The following EPB41L2 variants were observed in gnomAD, a reference collection of about 807,000 sequenced individuals.
The protein encoded by EPB41L2 is band 4.1-like protein 2.
EPB41L2 carries 43 observed loss-of-function variants against 113.0 expected under a neutral mutation model. The observed-to-expected ratio is 0.38, with a 90% CI of 0.30 to 0.49. EPB41L2 has a LOEUF of 0.49. Ranked by LOEUF, EPB41L2 falls within the 20% of genes least tolerant of loss-of-function variation. The pLI, the probability that EPB41L2 is intolerant of heterozygous loss-of-function variation, is 0.95. For synonymous variants in EPB41L2, 442 were observed against 436.7 expected, an observed-to-expected ratio of 1.01 and a Z score of -0.15; for missense variants, 1,147 against 1,223.4, an observed-to-expected ratio of 0.94 and a Z score of 0.93.
intron 1 of EPB41L2, among the ~76,000 whole-genome samples, chr6:131,049,317 T>C (rs1437052717): frequency 6.6e-6 from 1 of 152,216 alleles, no homozygotes; most frequent in Non-Finnish European, 1.5e-5. Context: ...GAAACAGTTC[T>C]AGTTACAAGT....
intron 1 of EPB41L2, among the ~76,000 whole-genome samples, chr6:131,023,719 G>GTA: frequency 7.6e-6 from 1 of 131,210 alleles, no homozygotes; most frequent in Non-Finnish European, 1.6e-5. Flanking sequence ...GTGTGCGTGT[G>GTA]TGTGTGTGTG....
At chr6:130,955,502 A>C (rs924897956) in intron 2 of EPB41L2, among the ~76,000 whole-genome samples, 185 bp from the exon 3 acceptor site, 16 of 152,204 alleles carry the variant, frequency 1.1e-4, no homozygotes, top group Admixed American at 9.2e-4. Context: ...CATGGCCAAA[A>C]TTCTCATTTT....
chr6:130,971,821 C>T (rs1276786689), intron 1 of EPB41L2, among the ~76,000 whole-genome samples: 1 of 152,144 alleles, frequency 6.6e-6, no homozygotes, highest in Non-Finnish European at 1.5e-5. Context: ...TATAGACAAA[C>T]TTTCAGATAT....
At chr6:130,970,742 A>C (rs1776573529) in intron 1 of EPB41L2, among the ~76,000 whole-genome samples, 1 of 152,210 alleles carries the variant, frequency 6.6e-6, no homozygotes, top group Non-Finnish European at 1.5e-5. Flanking sequence ...TGTACACAAC[A>C]TAAAGTAGTC....
At chr6:131,043,065 G>A (rs1026043761) in intron 1 of EPB41L2, among the ~76,000 whole-genome samples, 6 of 152,130 alleles carry the variant, frequency 3.9e-5, no homozygotes, top group African/African-American at 9.7e-5. Flanking sequence ...TTGAGAGGCC[G>A]AGGCAGGCAG....
chr6:130,968,099 A>AACAGTAATCAACAACCAGTCT (rs549162159), intron 1 of EPB41L2, among the ~76,000 whole-genome samples: 1,559 of 152,324 alleles, frequency 0.01, 36 homozygotes, highest in African/African-American at 0.036. Flanking sequence ...CTTGGTATCC[A>AACAGTAATCAACAACCAGTCT]ACAGTAATCA....
At chr6:131,032,115 T>C (rs1792286099) in intron 1 of EPB41L2, among the ~76,000 whole-genome samples, 1 of 152,202 alleles carries the variant, frequency 6.6e-6, no homozygotes, top group Non-Finnish European at 1.5e-5. Flanking sequence ...TATAGTCCCA[T>C]ATAGTCTCAT....
intron 19 of EPB41L2, among the ~76,000 whole-genome samples, chr6:130,850,801 C>T (rs1186193329): frequency 6.6e-6 from 1 of 152,180 alleles, no homozygotes; most frequent in Non-Finnish European, 1.5e-5. Flanking sequence ...TGACTACTGC[C>T]TGGTCTTAAT....
intron 4 of EPB41L2, among the ~76,000 whole-genome samples, chr6:130,918,953 T>C (rs921670942): frequency 6.6e-6 from 1 of 152,172 alleles, no homozygotes; most frequent in Non-Finnish European, 1.5e-5. Flanking sequence ...AAATCTATAG[T>C]GGAAGAATAA....
chr6:130,898,913 C>A (rs1311029884), intron 8 of EPB41L2, among the ~76,000 whole-genome samples: 1 of 151,994 alleles, frequency 6.6e-6, no homozygotes. Flanking sequence ...CTTCCCATGT[C>A]CCCATTGTCC....
intron 1 of EPB41L2, among the ~76,000 whole-genome samples, chr6:130,963,069 C>G (rs988778671): frequency 7.2e-5 from 11 of 151,994 alleles, no homozygotes; most frequent in Admixed American, 2.6e-4. Context: ...TGACACACAA[C>G]AAAGGACACT....
chr6:130,971,306 C>T (rs1371160058), intron 1 of EPB41L2, among the ~76,000 whole-genome samples: 3 of 152,198 alleles, frequency 2.0e-5, no homozygotes, highest in Admixed American at 1.3e-4. Flanking sequence ...CACAATTTCA[C>T]AGGTTGAAGA....
chr6:130,894,467 A>T (rs751658502), intron 9 of EPB41L2, 26 bp from the exon 10 acceptor site: 1 of 1,599,702 alleles, frequency 6.3e-7, no homozygotes, highest in Non-Finnish European at 8.6e-7. Flanking sequence ...AAAACAAATC[A>T]GCATATTTCC....
Position 130,869,940 on chromosome 6 carries a change from T to C in EPB41L2, c.2230A>G (p.Ser744Gly), listed in dbSNP as rs145332499. The change falls in exon 15 of 20, where the codon AGC (serine) becomes GGC (glycine). Residue 744 changes from serine (S) to glycine (G), a missense_variant. Transcript: ENST00000337057. The part of the protein sequence containing the change: ...STSLSSESSS[S>G]SSESEEEDVG... ...TCTTCCTCCTCACTCTCACTGCTGC[T>C]GCTGCTGCTCTCAGAAGACAGGGAG... 5.2e-5 allele frequency: 84 copies of C among 1,613,378 alleles called. No individual in the cohort carries two copies. The African/African-American group carries it at 1.1e-3, about 20-fold the overall frequency.
intron 6 of EPB41L2, among the ~76,000 whole-genome samples, chr6:130,901,416 G>GTA (rs1796276595): frequency 2.6e-5 from 4 of 151,576 alleles, no homozygotes; most frequent in South Asian, 2.1e-4. Flanking sequence ...ATGTGTGTGT[G>GTA]TATATATATA....
intron 1 of EPB41L2, among the ~76,000 whole-genome samples, chr6:130,968,733 T>A (rs1423773532): frequency 6.8e-6 from 1 of 146,620 alleles, no homozygotes; most frequent in Non-Finnish European, 1.5e-5. Context: ...ATAAAACCTT[T>A]TTTTTTTTTT....
At chr6:131,051,892 T>G (rs1051746220) in intron 1 of EPB41L2, among the ~76,000 whole-genome samples, 1 of 152,062 alleles carries the variant, frequency 6.6e-6, no homozygotes, top group Non-Finnish European at 1.5e-5. Flanking sequence ...ATACTAGAAG[T>G]CTTCATTAAG....
rs559661604 is a variant in EPB41L2, at chr6:130,945,797, T to C, written c.705+9308A>G. 1.1e-4 allele frequency among the ~76,000 whole-genome samples: 17 copies of C among 152,286 alleles called. No homozygotes were observed. In the South Asian group the frequency reaches 1.2e-3, roughly 11 times the overall value. ...CATAGATCGCCTGACTTTATATCCA[T>C]GGCTTCAACTAAACCTTATTGTTTT... On this transcript the variant is annotated intron_variant, in intron 3 of 19. Transcript: ENST00000337057.
chr6:130,865,678 T>C, intron 16 of EPB41L2, 44 bp from the exon 17 acceptor site: 1 of 1,589,350 alleles, frequency 6.3e-7, no homozygotes, highest in Non-Finnish European at 8.6e-7. Context: ...GCTTAACTTC[T>C]GTTATGTTGT....
Sources: gnomAD v4.1 joint callset for allele counts (sites outside exome capture counted in the v4.1 genomes callset) on GRCh38, gnomAD v4.1.1 for gene constraint, MANE v1.5 for transcripts, NCBI Gene and HGNC (gene_info 2026-07-23, HGNC 2026-07-21) for gene names.